The following CADM2 variants were observed in gnomAD, a reference collection of about 807,000 sequenced individuals.
CADM2 encodes the protein cell adhesion molecule 2, also known as immunoglobulin superfamily member 4D.
A neutral mutation model predicts 49.8 loss-of-function variants in CADM2; 12 were observed. The observed-to-expected ratio is 0.24, with a 90% CI of 0.15 to 0.39. CADM2 has a LOEUF of 0.39. Among genes scored for constraint, CADM2 ranks in the 10% least tolerant of loss-of-function variants. The pLI is 1.00. For synonymous variants in CADM2, 214 were observed against 175.4 expected (o/e 1.22, Z -1.74); for missense variants, 378 against 492.3 (o/e 0.77, Z 2.20).
At chr3:85,001,780 C>A (rs1202665304) in intron 1 of CADM2, among the ~76,000 whole-genome samples, 3 of 151,860 alleles carry the variant, frequency 2.0e-5, no homozygotes, top group African/African-American at 7.3e-5. Context: ...ATCTCTGAGA[C>A]CTTTGAACTA....
At chr3:86,013,703 C>T in intron 8 of CADM2, 1 of 1,599,356 alleles carries the variant, frequency 6.3e-7, no homozygotes. Context: ...AATCTCATAG[C>T]CTAAGAGAGG....
At chr3:85,760,202 A>G (rs1363176548) in intron 2 of CADM2, among the ~76,000 whole-genome samples, 1 of 152,142 alleles carries the variant, frequency 6.6e-6, no homozygotes, top group South Asian at 2.1e-4. Flanking sequence ...AAATGTACAC[A>G]TTGGGAAAAT....
intron 1 of CADM2, among the ~76,000 whole-genome samples, chr3:85,681,456 A>G (rs911857392): frequency 2.6e-5 from 4 of 152,148 alleles, no homozygotes; most frequent in African/African-American, 9.7e-5. Context: ...TTTAATGAAC[A>G]TATTGAATTG....
rs7646294 is a variant in CADM2 at position 85,684,299 on chromosome 3, A to G, written c.62-42223A>G. Among the ~76,000 whole-genome samples the G allele has an allele frequency of 2.1e-3, 327 of 152,254 alleles. 1 individual carries two copies. Among genetic ancestry groups the G allele is most frequent in the African/African-American group, 7.7e-3 (319 of 41,540 alleles). The stretch of plus-strand genomic sequence containing the variant: ...CTGGTGATGCAGATCCTTGGTCTCT[A>G]TCTACTCCCCTTCACACTCTAGACT... On this transcript the variant is annotated intron_variant, in intron 1 of 9. Transcript: ENST00000383699.
chr3:86,045,751 C>A (rs1736591489), intron 8 of CADM2, among the ~76,000 whole-genome samples: 1 of 152,106 alleles, frequency 6.6e-6, no homozygotes, highest in East Asian at 1.9e-4. Context: ...AATAACAACA[C>A]TAATATAAAC....
chr3:85,765,822 C>T (rs1287305292), intron 2 of CADM2, among the ~76,000 whole-genome samples: 1 of 151,890 alleles, frequency 6.6e-6, no homozygotes, highest in Non-Finnish European at 1.5e-5. Context: ...GTATGTATGG[C>T]AAAGCCCTAT....
intron 1 of CADM2, among the ~76,000 whole-genome samples, chr3:85,000,283 A>T (rs539940075): frequency 3.7e-4 from 55 of 147,646 alleles, no homozygotes; most frequent in Admixed American, 1.0e-3. Flanking sequence ...CCAGCTAATT[A>T]TTTTTTTTTT....
intron 1 of CADM2, among the ~76,000 whole-genome samples, chr3:85,421,173 G>GCCAGGGAATGTTAGTGGATTT (rs1333179807): frequency 6.6e-6 from 1 of 152,152 alleles, no homozygotes; most frequent in Non-Finnish European, 1.5e-5. Flanking sequence ...GACAGGCAGA[G>GCCAGGGAATGTTAGTGGATTT]CCAGGGAATG....
chr3:85,860,253 G>A (rs184945242), intron 3 of CADM2, among the ~76,000 whole-genome samples: 14 of 152,034 alleles, frequency 9.2e-5, no homozygotes, highest in South Asian at 4.2e-4. Context: ...ACACTCTTAC[G>A]GACATAGGAG....
chr3:85,993,985 A>C (rs1729075991), intron 8 of CADM2: 1 of 152,152 alleles, frequency 6.6e-6, no homozygotes, highest in African/African-American at 2.4e-5. Context: ...TCAACTTAAA[A>C]TCACCAGCTG....
At chr3:85,686,723 G>A (rs1051868474) in intron 1 of CADM2, among the ~76,000 whole-genome samples, 3 of 152,038 alleles carry the variant, frequency 2.0e-5, no homozygotes, top group African/African-American at 7.2e-5. Flanking sequence ...GGGCAAACCT[G>A]CCCCCCATTC....
At chr3:85,139,947 A>G (rs2039527614) in intron 1 of CADM2, among the ~76,000 whole-genome samples, 1 of 152,162 alleles carries the variant, frequency 6.6e-6, no homozygotes, top group Admixed American at 6.6e-5. Context: ...TTATTCAGAA[A>G]AGAGAGAAGA....
chr3:85,596,103 T>C (rs1559932799), intron 1 of CADM2, among the ~76,000 whole-genome samples: 1 of 151,870 alleles, frequency 6.6e-6, no homozygotes, highest in Admixed American at 6.6e-5. Context: ...TATTTATTTA[T>C]CTGAAAAATA....
At chr3:85,464,123 T>A (rs1166995727) in intron 1 of CADM2, among the ~76,000 whole-genome samples, 1 of 152,116 alleles carries the variant, frequency 6.6e-6, no homozygotes, top group Admixed American at 6.6e-5. Flanking sequence ...ATAATTTTGG[T>A]GAATAATGAG....
At chr3:85,981,405 T>C (rs556018079) in intron 8 of CADM2, among the ~76,000 whole-genome samples, 61 of 151,672 alleles carry the variant, frequency 4.0e-4, no homozygotes, top group Non-Finnish European at 7.4e-4. Context: ...ATTTGTTACA[T>C]TGGTAAACTA....
At chr3:85,411,334 T>C (rs979842642) in intron 1 of CADM2, among the ~76,000 whole-genome samples, 2 of 152,194 alleles carry the variant, frequency 1.3e-5, no homozygotes, top group African/African-American at 4.8e-5. Flanking sequence ...CCAACAAACC[T>C]TGTGCACTTC....
chr3:86,007,716 T>G (rs1730966336), intron 8 of CADM2, among the ~76,000 whole-genome samples: 1 of 152,196 alleles, frequency 6.6e-6, no homozygotes, highest in South Asian at 2.1e-4. Flanking sequence ...TTACACACCC[T>G]AAAGAGTGCA....
intron 1 of CADM2, among the ~76,000 whole-genome samples, chr3:85,718,116 A>T (rs1236427063): frequency 6.6e-6 from 1 of 152,120 alleles, no homozygotes; most frequent in African/African-American, 2.4e-5. Context: ...TCTTACACCT[A>T]ATAGTGTTCA....
At chr3:85,593,140 T>C (rs2063152102) in intron 1 of CADM2, among the ~76,000 whole-genome samples, 2 of 151,892 alleles carry the variant, frequency 1.3e-5, no homozygotes, top group African/African-American at 4.8e-5. Flanking sequence ...ATACACATCC[T>C]GATCTTAGAT....
Sources: gnomAD v4.1 joint callset for allele counts (sites outside exome capture counted in the v4.1 genomes callset) on GRCh38, gnomAD v4.1.1 for gene constraint, MANE v1.5 for transcripts, NCBI Gene and HGNC (gene_info 2026-07-23, HGNC 2026-07-21) for gene names.